MTUS2: variants seen among roughly 807,000 people sequenced by gnomAD.
The protein encoded by MTUS2 is microtubule associated scaffold protein 2, also known as microtubule-associated tumor suppressor candidate 2.
In MTUS2, 40 loss-of-function variants were observed where a neutral mutation model predicts 114.1. The observed-to-expected ratio is 0.35, with a 90% CI of 0.27 to 0.46. The LOEUF is 0.46. MTUS2 is among the 20% of genes least tolerant of loss of function. The pLI is 1.00. For synonymous variants in MTUS2, 688 were observed against 672.0 expected (o/e 1.02, Z -0.37); for missense variants, 1,679 against 1,705.4 (o/e 0.98, Z 0.27).
At chr13:29,258,020 G>T (rs1359863885) in intron 5 of MTUS2, among the ~76,000 whole-genome samples, 1 of 152,208 alleles carries the variant, frequency 6.6e-6, no homozygotes, top group Admixed American at 6.5e-5. Context: ...GCACTGGAAA[G>T]AATTTTTAGG....
chr13:29,160,308 CTTCT>C (rs1266356322), intron 5 of MTUS2, among the ~76,000 whole-genome samples: 2 of 152,184 alleles, frequency 1.3e-5, no homozygotes, highest in Non-Finnish European at 2.9e-5. Context: ...TCTCTTTTTT[CTTCT>C]TTGTGACTTC....
chr13:29,418,708 T>G (rs1875857400), intron 8 of MTUS2, among the ~76,000 whole-genome samples: 1 of 152,202 alleles, frequency 6.6e-6, no homozygotes, highest in African/African-American at 2.4e-5. Context: ...GAGATCTGAC[T>G]TACATAGAAG....
intron 5 of MTUS2, among the ~76,000 whole-genome samples, chr13:29,203,835 C>T (rs930892133): frequency 6.6e-6 from 1 of 152,162 alleles, no homozygotes; most frequent in South Asian, 2.1e-4. Context: ...TGCTTCATCT[C>T]ACCCCCCATG....
chr13:29,387,313 G>C (rs1357276808), intron 8 of MTUS2, among the ~76,000 whole-genome samples: 6 of 152,200 alleles, frequency 3.9e-5, no homozygotes, highest in Non-Finnish European at 7.3e-5. Flanking sequence ...GAGGTAACAT[G>C]ATGCGGATTG....
At chr13:29,370,247 GTTGATGTA>G (rs1871089228) in intron 8 of MTUS2, among the ~76,000 whole-genome samples, 2 of 152,122 alleles carry the variant, frequency 1.3e-5, no homozygotes, top group Non-Finnish European at 2.9e-5. Flanking sequence ...TCCCCCAAAA[GTTGATGTA>G]TTGGAAACTT....
intron 5 of MTUS2, among the ~76,000 whole-genome samples, chr13:29,255,942 G>T (rs561278799): frequency 1.8e-4 from 28 of 152,146 alleles, no homozygotes; most frequent in Admixed American, 1.7e-3. Flanking sequence ...ATCTGGCCTG[G>T]TTCAAATGAC....
At chr13:28,919,724 G>A (rs1880941761) in intron 2 of MTUS2, among the ~76,000 whole-genome samples, 2 of 151,880 alleles carry the variant, frequency 1.3e-5, no homozygotes, top group Admixed American at 1.3e-4. Context: ...CCTTTTTAAG[G>A]CTATTTTTGT....
chr13:29,175,236 A>T (rs1893721816), intron 5 of MTUS2, among the ~76,000 whole-genome samples: 2 of 152,226 alleles, frequency 1.3e-5, no homozygotes, highest in South Asian at 4.1e-4. Context: ...TAAATAATGA[A>T]AGATAAAAGA....
chr13:28,988,574 C>T (rs1399854227), intron 2 of MTUS2, among the ~76,000 whole-genome samples: 1 of 152,046 alleles, frequency 6.6e-6, no homozygotes, highest in Non-Finnish European at 1.5e-5. Flanking sequence ...TCAGGAAAAA[C>T]AATGAAATCT....
intron 8 of MTUS2, among the ~76,000 whole-genome samples, chr13:29,365,258 G>A (rs1870604370): frequency 6.6e-6 from 1 of 152,116 alleles, no homozygotes; most frequent in Non-Finnish European, 1.5e-5. Flanking sequence ...AAGAACCCTT[G>A]GCCTGTGGTG....
chr13:29,183,287 A>G lies in MTUS2; in HGVS notation c.2644+82317A>G, dbSNP rs191660409. ...GAGAGAGAGAGAGTCAAGGAAGTCA[A>G]CGATGATGACCAGGGTCTTGATCTG... On this transcript the variant is annotated intron_variant, in intron 5 of 15. Transcript: ENST00000612955. Among the ~76,000 whole-genome samples the G allele has an allele frequency of 1.1e-3, 163 of 152,164 alleles. 1 individual carries two copies. Among genetic ancestry groups the G allele is most frequent in the African/African-American group, 3.0e-3 (125 of 41,524 alleles).
intron 9 of MTUS2, among the ~76,000 whole-genome samples, chr13:29,475,895 T>C (rs1880666027): frequency 6.6e-6 from 1 of 152,162 alleles, no homozygotes; most frequent in South Asian, 2.1e-4. Flanking sequence ...AGCCTAAGTG[T>C]ATGGTGTTTC....
At chr13:28,844,203 G>A (rs1875705781) in intron 2 of MTUS2, among the ~76,000 whole-genome samples, 1 of 152,184 alleles carries the variant, frequency 6.6e-6, no homozygotes, top group African/African-American at 2.4e-5. Flanking sequence ...AAGCTGGGGA[G>A]TTTGCATAGG....
Position 29,505,762 on chromosome 13 carries a change from C to T in MTUS2, c.*2556C>T, listed in dbSNP as rs1883198725. The T allele has an allele frequency of 2.2e-5, 5 of 229,044 alleles. No individual in the cohort carries two copies. Among genetic ancestry groups the T allele is most frequent in the East Asian group, 6.2e-5 (1 of 16,158 alleles). The allele number at this position is 229,044 out of a possible 1,614,324, so 14.2% of individuals were successfully genotyped here. The stretch of plus-strand genomic sequence containing the variant: ...CGTGGGCGGCCTGCCCCCCGACCGC[C>T]GCCCCTGCCCACCACATGCTGGGAC... On this transcript the variant is annotated 3_prime_UTR_variant, in exon 16 of 16. Transcript: ENST00000612955.
chr13:29,318,795 ACTCT>A, intron 6 of MTUS2, among the ~76,000 whole-genome samples: 1 of 152,060 alleles, frequency 6.6e-6, no homozygotes, highest in South Asian at 2.1e-4. Context: ...TTTCTGAGAC[ACTCT>A]CTATGGATTG....
chr13:29,101,040 C>G, intron 5 of MTUS2, 70 bp downstream of exon 5: 2 of 1,400,686 alleles, frequency 1.4e-6, no homozygotes, highest in Non-Finnish European at 1.9e-6. Flanking sequence ...AACTGTGTGT[C>G]ATTTTCTTTG....
At chr13:29,013,332 C>G (rs902799747) in intron 2 of MTUS2, among the ~76,000 whole-genome samples, 22 of 151,718 alleles carry the variant, frequency 1.5e-4, no homozygotes, top group Non-Finnish European at 8.8e-5. Flanking sequence ...AATTTGTCAC[C>G]GACTCTTGGT....
At chr13:29,049,515 C>T (rs369609016) in intron 4 of MTUS2, among the ~76,000 whole-genome samples, 4 of 152,180 alleles carry the variant, frequency 2.6e-5, no homozygotes, top group Admixed American at 6.5e-5. Context: ...AAAGGAATGT[C>T]GAGGACTGTT....
At chr13:29,374,874 C>T (rs996274109) in intron 8 of MTUS2, among the ~76,000 whole-genome samples, 9 of 151,946 alleles carry the variant, frequency 5.9e-5, no homozygotes, top group African/African-American at 9.7e-5. Context: ...TGCAGTGAGC[C>T]GAGATCATGC....
Sources: gnomAD v4.1 joint callset for allele counts (sites outside exome capture counted in the v4.1 genomes callset) on GRCh38, gnomAD v4.1.1 for gene constraint, MANE v1.5 for transcripts, NCBI Gene and HGNC (gene_info 2026-07-23, HGNC 2026-07-21) for gene names.